The following CCDC82 variants were observed in gnomAD, a reference collection of about 807,000 sequenced individuals.
The protein encoded by CCDC82 is coiled-coil domain-containing protein 82.
CCDC82 carries 47 observed loss-of-function variants against 60.6 expected under a neutral mutation model. The ratio of observed to expected loss-of-function variants is 0.77; its 90% CI spans 0.61 to 0.99. CCDC82 has a LOEUF of 0.99. Ranked by LOEUF, CCDC82 falls within the 50% of genes least tolerant of loss-of-function variation. The probability of loss-of-function intolerance (pLI) is 0.00; values close to 1 mark genes in which losing one functional copy is unlikely to be tolerated. For missense variants in CCDC82, 588 were observed against 633.0 expected (o/e 0.93, Z 0.76); for synonymous variants, 212 against 207.4 (o/e 1.02, Z -0.19).
At chr11:96,381,744 C>A (rs1171627970) in intron 5 of CCDC82, 1 of 151,762 alleles carries the variant, frequency 6.6e-6, no homozygotes, top group Non-Finnish European at 1.5e-5. Flanking sequence ...CAATGGTTCT[C>A]AAAGTGTTTG....
rs188393004 is a variant in CCDC82, at chr11:96,361,510, T to C, written c.1381-2332A>G. ...TGTTCTTGTATTTTTTCCCAAAATA[T>C]GATCACATTTTATATGGAAGAACCT... On this transcript the variant is annotated intron_variant, in intron 8 of 9. Transcript: ENST00000646818. 2.8e-3 allele frequency among the ~76,000 whole-genome samples: 419 copies of C among 152,326 alleles called. 1 individual carries two copies. Among genetic ancestry groups the C allele is most frequent in the African/African-American group, 8.8e-3 (365 of 41,582 alleles).
intron 8 of CCDC82, chr11:96,363,997 T>A (rs1179559811): frequency 6.6e-6 from 1 of 152,182 alleles, no homozygotes; most frequent in Admixed American, 6.5e-5. Context: ...TTATATAGAA[T>A]CTTTACTGCT....
At chr11:96,363,370 GT>G (rs1864772027) in intron 8 of CCDC82, 1 of 152,094 alleles carries the variant, frequency 6.6e-6, no homozygotes, top group African/African-American at 2.4e-5. Flanking sequence ...ATAAATTTTT[GT>G]AAGTCATTCT....
intron 9 of CCDC82, chr11:96,356,407 GT>G: frequency 1.0e-6 from 1 of 980,992 alleles, no homozygotes; most frequent in Non-Finnish European, 1.2e-6. Context: ...ACTTGTAACA[GT>G]TTTACACACA....
intron 5 of CCDC82, 25 bp from the exon 6 acceptor site, chr11:96,373,492 T>A: frequency 7.2e-7 from 1 of 1,384,856 alleles, no homozygotes; most frequent in Non-Finnish European, 1.0e-6. Context: ...AAATAAATAT[T>A]AGAACAGAGC....
At chr11:96,367,993 G>A (rs1865041724) in intron 7 of CCDC82, among the ~76,000 whole-genome samples, 1 of 151,768 alleles carries the variant, frequency 6.6e-6, no homozygotes, top group Non-Finnish European at 1.5e-5. Flanking sequence ...GCTAATTTTT[G>A]TATGTTTAGT....
intron 5 of CCDC82, among the ~76,000 whole-genome samples, chr11:96,378,916 C>T (rs1865725622): frequency 6.6e-6 from 1 of 151,980 alleles, no homozygotes; most frequent in Admixed American, 6.6e-5. Flanking sequence ...CCCTGTGGTG[C>T]ATCTCTCAGA....
At chr11:96,387,868 C>T (rs1166951911) in intron 1 of CCDC82, 1 of 152,158 alleles carries the variant, frequency 6.6e-6, no homozygotes, top group African/African-American at 2.4e-5. Context: ...TTATTAATAA[C>T]ACCAATTGCA....
chr11:96,371,868 C>A (rs376336071), intron 6 of CCDC82, among the ~76,000 whole-genome samples: 2 of 152,132 alleles, frequency 1.3e-5, no homozygotes, highest in African/African-American at 4.8e-5. Flanking sequence ...CTCATTACTG[C>A]CTTTCTGATT....
intron 8 of CCDC82, chr11:96,364,124 A>G (rs1291859793): frequency 6.6e-6 from 1 of 152,180 alleles, no homozygotes; most frequent in Non-Finnish European, 1.5e-5. Context: ...ACATAACAGA[A>G]CATGGTCCCT....
At chr11:96,358,580 G>A in intron 9 of CCDC82, 1 of 1,235,250 alleles carries the variant, frequency 8.1e-7, no homozygotes, top group Non-Finnish European at 1.0e-6. Context: ...CCTCAGACTG[G>A]CACCAGGTGC....
intron 5 of CCDC82, chr11:96,381,827 T>C (rs1865891441): frequency 1.3e-5 from 2 of 151,962 alleles, no homozygotes; most frequent in South Asian, 4.1e-4. Flanking sequence ...ATATTATTTA[T>C]TTGCTTTTTT....
chr11:96,388,212 C>T (rs1866311027), intron 1 of CCDC82: 1 of 152,120 alleles, frequency 6.6e-6, no homozygotes, highest in African/African-American at 2.4e-5. Context: ...GTGAGTGAAC[C>T]TCGGAAGAGA....
chr11:96,358,912 C>T (rs1864482659), intron 9 of CCDC82, 81 bp downstream of exon 9: 1 of 1,237,484 alleles, frequency 8.1e-7, no homozygotes, highest in African/African-American at 1.6e-5. Flanking sequence ...ATTTCACTAT[C>T]TTTTAATCAT....
In CCDC82 at chr11:96,384,652, A is replaced by C. The variant is rs1408781819; in HGVS notation, c.96T>G (p.Ser32Arg). Residue 32 changes from serine to arginine, a missense_variant, in exon 4 of 10, where the codon AGT (serine) becomes AGG (arginine). By Grantham distance (110) the Ser-to-Arg change is moderately radical (BLOSUM62 -1). Coordinates refer to ENST00000646818, the MANE Select transcript of CCDC82 (RefSeq NM_024725.4). ...CACTATCAAGTAATTGTGAGATACT[A>C]CTTCTTTTAGTTCGCCTCCAATCAA... ...SRVDWRRTKR[S>R]SISQLLDSDE... 1 of 1,613,430 alleles carries C rather than the reference A, an allele frequency of 6.2e-7. No individual in the cohort carries two copies. The highest frequency in any genetic ancestry group is 1.3e-5 in the African/African-American group (1 of 74,890).
chr11:96,367,868 C>CT (rs1181260848), intron 7 of CCDC82, among the ~76,000 whole-genome samples: 1 of 142,600 alleles, frequency 7.0e-6, no homozygotes, highest in Non-Finnish European at 1.5e-5. Context: ...GTCACCCAGA[C>CT]TGAGTGCAGT....
chr11:96,379,177 C>T (rs1242001029), intron 5 of CCDC82, among the ~76,000 whole-genome samples: 1 of 151,910 alleles, frequency 6.6e-6, no homozygotes, highest in African/African-American at 2.4e-5. Context: ...ACATAGGTTA[C>T]TGTTTTAATG....
chr11:96,371,013 C>T lies in CCDC82; in HGVS notation c.1209G>A (p.Lys403=). The T allele has an allele frequency of 6.3e-7, 1 of 1,585,012 alleles. No individual in the cohort carries two copies. The change falls in exon 7 of 10, where the codon AAG becomes AAA. Residue 403 remains lysine, a splice_region_variant and synonymous_variant. Transcript: ENST00000646818. ...VSRSRWKEQY[K]ERVENYSNVS... is the part of the protein sequence containing the mutation. ...AGAGATTCAAAAACAAACTGTGTAC[C>T]TTATATTGCTCTTTCCAACGACTTC...
intron 1 of CCDC82, chr11:96,389,373 C>A (rs1321188111): frequency 6.6e-6 from 1 of 152,202 alleles, no homozygotes. Context: ...ACCTCTTTGG[C>A]GGGACGCAGG....
Sources: allele counts gnomAD v4.1 joint callset (sites outside exome capture counted in the v4.1 genomes callset), GRCh38; gene constraint gnomAD v4.1.1; transcripts MANE v1.5; gene names NCBI Gene and HGNC (gene_info 2026-07-23, HGNC 2026-07-21).